Variants in DCC observed in about 807,000 individuals in gnomAD.
DCC encodes netrin receptor DCC.
In DCC, 58 loss-of-function variants were observed where a neutral mutation model predicts 172.5. The ratio of observed to expected loss-of-function variants is 0.34; its 90% confidence interval spans 0.27 to 0.42. DCC has a LOEUF of 0.42. Among genes scored for constraint, DCC ranks in the 10% least tolerant of loss-of-function variants. The pLI is 1.00. For synonymous variants in DCC, 709 were observed against 644.5 expected (o/e 1.10, Z -1.52); for missense variants, 1,740 against 1,791.0 (o/e 0.97, Z 0.51).
chr18:53,436,144 T>C (rs745505346), intron 22 of DCC, among the ~76,000 whole-genome samples: 4 of 152,224 alleles, frequency 2.6e-5, no homozygotes, highest in Non-Finnish European at 5.9e-5. Context: ...TCTAATTTGA[T>C]GTTTACTACG....
chr18:52,817,180 A>G (rs1023621299), intron 2 of DCC, among the ~76,000 whole-genome samples: 2 of 152,214 alleles, frequency 1.3e-5, no homozygotes, highest in African/African-American at 2.4e-5. Flanking sequence ...ATACATATGT[A>G]AGAATGGAAA....
At chr18:52,547,991 G>A (rs567477820) in intron 1 of DCC, among the ~76,000 whole-genome samples, 6 of 152,210 alleles carry the variant, frequency 3.9e-5, no homozygotes, top group African/African-American at 1.4e-4. Context: ...GGCTGGATTT[G>A]GCCCTCAGCC....
At chr18:52,615,614 G>A (rs1421735434) in intron 1 of DCC, among the ~76,000 whole-genome samples, 1 of 152,150 alleles carries the variant, frequency 6.6e-6, no homozygotes, top group African/African-American at 2.4e-5. Context: ...TCTCTTCACT[G>A]CTGTTCCTCA....
chr18:53,445,875 G>A (rs565624209), intron 22 of DCC, among the ~76,000 whole-genome samples: 83 of 151,758 alleles, frequency 5.5e-4, no homozygotes, highest in Non-Finnish European at 1.1e-3. Context: ...TGATTACTCA[G>A]GCACTGGATA....
At chr18:53,065,726 T>A (rs189331678) in intron 6 of DCC, among the ~76,000 whole-genome samples, 2 of 152,156 alleles carry the variant, frequency 1.3e-5, no homozygotes, top group African/African-American at 4.8e-5. Context: ...TTCATGGTAA[T>A]CTTTGTTGCT....
At chr18:52,435,302 CGT>C (rs1025666686) in intron 1 of DCC, among the ~76,000 whole-genome samples, 28 of 150,602 alleles carry the variant, frequency 1.9e-4, no homozygotes, top group East Asian at 1.4e-3. Flanking sequence ...TGTGTGTGCA[CGT>C]GTGTGTGTGC....
intron 1 of DCC, among the ~76,000 whole-genome samples, chr18:52,504,897 G>C (rs2031174144): frequency 6.6e-6 from 1 of 152,134 alleles, no homozygotes; most frequent in Non-Finnish European, 1.5e-5. Context: ...ATCAATGTCT[G>C]TCTTGACATA....
chr18:53,025,204 G>T (rs370627972), intron 5 of DCC, among the ~76,000 whole-genome samples: 13 of 152,056 alleles, frequency 8.5e-5, no homozygotes, highest in African/African-American at 2.7e-4. Context: ...ATGAGAATTC[G>T]TGAAAAATAG....
At chr18:52,892,849 T>C (rs573314660) in intron 2 of DCC, among the ~76,000 whole-genome samples, 3 of 152,296 alleles carry the variant, frequency 2.0e-5, no homozygotes, top group African/African-American at 7.2e-5. Flanking sequence ...AAATGCATTT[T>C]ATTAGCTCCA....
At chr18:53,474,504 G>T (rs371087627) in intron 25 of DCC, among the ~76,000 whole-genome samples, 2 of 152,254 alleles carry the variant, frequency 1.3e-5, no homozygotes, top group South Asian at 2.1e-4. Context: ...TCAGGGGCAG[G>T]TCTTTCCTGT....
At chr18:52,419,989 T>A (rs1987191459) in intron 1 of DCC, among the ~76,000 whole-genome samples, 1 of 152,200 alleles carries the variant, frequency 6.6e-6, no homozygotes, top group Non-Finnish European at 1.5e-5. Flanking sequence ...TGAGTGACTT[T>A]TCTAATGTCC....
intron 2 of DCC, among the ~76,000 whole-genome samples, chr18:52,780,859 C>G (rs575315192): frequency 4.6e-5 from 7 of 151,938 alleles, no homozygotes; most frequent in Admixed American, 1.3e-4. Context: ...TTCTTGTACC[C>G]CATGAGAGGG....
intron 2 of DCC, among the ~76,000 whole-genome samples, chr18:52,800,018 T>G (rs61059539): frequency 1.3e-5 from 2 of 152,336 alleles, no homozygotes; most frequent in South Asian, 4.1e-4. Flanking sequence ...TAAGACGTAG[T>G]AGTTGTCAAC....
chr18:52,846,033 G>C (rs768373666), intron 2 of DCC, among the ~76,000 whole-genome samples: 2 of 152,152 alleles, frequency 1.3e-5, no homozygotes, highest in Non-Finnish European at 2.9e-5. Flanking sequence ...CCAGTTTTTT[G>C]TTTAATAGAA....
intron 27 of DCC, among the ~76,000 whole-genome samples, chr18:53,517,290 G>A (rs1246918495): frequency 1.3e-5 from 2 of 150,138 alleles, no homozygotes; most frequent in East Asian, 3.9e-4. Context: ...ACACTCTGGG[G>A]ACTGTTGTGG....
intron 9 of DCC, among the ~76,000 whole-genome samples, chr18:53,194,263 C>T (rs1230763872): frequency 1.3e-5 from 2 of 152,006 alleles, no homozygotes; most frequent in African/African-American, 4.8e-5. Flanking sequence ...GCTTGGGAGT[C>T]TTCTAAAGAA....
intron 5 of DCC, among the ~76,000 whole-genome samples, chr18:52,937,040 G>A (rs1005038131): frequency 1.3e-5 from 2 of 152,064 alleles, no homozygotes; most frequent in African/African-American, 4.8e-5. Context: ...ATCACCAAAG[G>A]AGTAGAATTG....
At chr18:53,290,980 A>G (rs1568415084) in intron 12 of DCC, among the ~76,000 whole-genome samples, 1 of 152,122 alleles carries the variant, frequency 6.6e-6, no homozygotes, top group Non-Finnish European at 1.5e-5. Context: ...TAGCCTGGCC[A>G]ACACGGTGAA....
intron 23 of DCC, among the ~76,000 whole-genome samples, chr18:53,452,890 GGTTTGTTT>G (rs10553364): frequency 0.013 from 1,969 of 150,288 alleles, 25 homozygotes; most frequent in Admixed American, 0.03. Flanking sequence ...AGTTTAGTGG[GGTTTGTTT>G]GTTTGTTTGT....
Sources: gnomAD v4.1 joint callset for allele counts (sites outside exome capture counted in the v4.1 genomes callset) on GRCh38, gnomAD v4.1.1 for gene constraint, MANE v1.5 for transcripts, NCBI Gene and HGNC (gene_info 2026-07-23, HGNC 2026-07-21) for gene names.